The following CAMTA1 variants were observed in gnomAD, a reference collection of about 807,000 sequenced individuals.
CAMTA1 encodes the protein calmodulin-binding transcription activator 1.
CAMTA1 carries 27 observed loss-of-function variants against 170.9 expected under a neutral mutation model. The ratio of observed to expected loss-of-function variants is 0.16; its 90% CI spans 0.12 to 0.22. CAMTA1 has a LOEUF of 0.22. Among genes scored for constraint, CAMTA1 ranks in the 10% least tolerant of loss-of-function variants. The pLI, the probability that CAMTA1 is intolerant of heterozygous loss-of-function variation, is 1.00. For missense variants in CAMTA1, 1,619 were observed against 2,217.2 expected, an observed-to-expected ratio of 0.73 and a Z score of 5.42; for synonymous variants, 833 against 891.5, an observed-to-expected ratio of 0.93 and a Z score of 1.17.
intron 3 of CAMTA1, among the ~76,000 whole-genome samples, chr1:7,003,570 C>T (rs1022974208): frequency 1.3e-5 from 2 of 152,050 alleles, no homozygotes; most frequent in African/African-American, 4.8e-5. Context: ...ATGCCTAGAG[C>T]GAGGGAGCTC....
intron 3 of CAMTA1, among the ~76,000 whole-genome samples, chr1:7,055,257 C>T (rs943879646): frequency 6.6e-6 from 1 of 152,180 alleles, no homozygotes; most frequent in Non-Finnish European, 1.5e-5. Flanking sequence ...AATGTGTGAC[C>T]AGCACATAGT....
At chr1:7,310,066 C>T (rs1172437903) in intron 5 of CAMTA1, among the ~76,000 whole-genome samples, 2 of 152,160 alleles carry the variant, frequency 1.3e-5, no homozygotes, top group African/African-American at 4.8e-5. Context: ...ATCTGAAGAA[C>T]TTCTTTTAGA....
At chr1:7,757,810 A>G (rs1244233019) in intron 22 of CAMTA1, among the ~76,000 whole-genome samples, 1 of 152,214 alleles carries the variant, frequency 6.6e-6, no homozygotes, top group Non-Finnish European at 1.5e-5. Context: ...TTAAAACTAT[A>G]AATAATTGCT....
Position 7,748,514 on chromosome 1 carries a change from C to G in CAMTA1, c.4689+733C>G, listed in dbSNP as rs2096873618. ...CTGAGATACTGGTCTGATCCTAACA[C>G]CAGTATCTTTGCAGTGAGGATCCGT... On this transcript the variant is annotated intron_variant, in intron 19 of 22. Coordinates refer to ENST00000303635, the MANE Select transcript of CAMTA1 (RefSeq NM_015215.4). The surrounding 1 kb of genome is among the most constrained non-coding windows in gnomAD (Gnocchi z 4.7). Among the ~76,000 whole-genome samples the G allele has an allele frequency of 6.6e-6, 1 of 152,198 alleles. No individual in the cohort carries two copies. The highest frequency in any genetic ancestry group is 2.4e-5 in the African/African-American group (1 of 41,448).
intron 3 of CAMTA1, among the ~76,000 whole-genome samples, chr1:6,998,405 G>T (rs1327935011): frequency 1.3e-5 from 2 of 152,190 alleles, no homozygotes; most frequent in Non-Finnish European, 2.9e-5. Context: ...TCCAGAGGGA[G>T]CCCTGGAGCT....
chr1:6,885,334 C>A (rs779246145), intron 3 of CAMTA1, among the ~76,000 whole-genome samples: 2 of 152,188 alleles, frequency 1.3e-5, no homozygotes, highest in Non-Finnish European at 1.5e-5. Context: ...ATTCTAGTTT[C>A]TTTGAAAGTG....
chr1:7,016,198 C>A (rs886146462), intron 3 of CAMTA1, among the ~76,000 whole-genome samples: 19 of 152,162 alleles, frequency 1.2e-4, no homozygotes, highest in Non-Finnish European at 2.5e-4. Flanking sequence ...GCTTCTTTCC[C>A]TCAGCCTGAC....
rs559672473 is a variant in CAMTA1 at position 7,067,875 on chromosome 1, T to TG, written c.235-23428dup. On this transcript the variant is annotated intron_variant, in intron 3 of 22. Coordinates refer to ENST00000303635, the MANE Select transcript of CAMTA1 (RefSeq NM_015215.4). The surrounding 1 kb of genome is among the most constrained non-coding windows in gnomAD (Gnocchi z 4.3). ...TAGGGGCGGCCTGTAACTCAGTTAT[T>TG]GCCAGTGAGATGGCTAGGCACTTCT... Among the ~76,000 whole-genome samples the TG allele has an allele frequency of 1.4e-3, 210 of 152,362 alleles. 4 individuals are homozygous for TG. The South Asian group carries it at 0.043, about 31-fold the overall frequency.
intron 4 of CAMTA1, among the ~76,000 whole-genome samples, chr1:7,121,510 G>C (rs115001554): frequency 1.3e-5 from 2 of 152,190 alleles, no homozygotes; most frequent in East Asian, 3.9e-4. Flanking sequence ...GAACTCTTGC[G>C]GTCATGGGTG....
chr1:6,968,057 C>T (rs1295276401), intron 3 of CAMTA1, among the ~76,000 whole-genome samples: 5 of 152,210 alleles, frequency 3.3e-5, no homozygotes, highest in Non-Finnish European at 7.3e-5. Context: ...ACTGAGCTGG[C>T]AGCGTTCAGC....
chr1:7,625,059 G>GT (rs2095624036), intron 6 of CAMTA1, among the ~76,000 whole-genome samples: 1 of 152,196 alleles, frequency 6.6e-6, no homozygotes, highest in African/African-American at 2.4e-5. Flanking sequence ...TGCATGGGAG[G>GT]TGGATCCAGC....
intron 5 of CAMTA1, among the ~76,000 whole-genome samples, chr1:7,304,424 T>C (rs925843770): frequency 3.3e-5 from 5 of 152,254 alleles, no homozygotes; most frequent in African/African-American, 9.6e-5. Flanking sequence ...TATGTGACTA[T>C]GTAAAATAAA....
rs1048144692 is a variant in CAMTA1 at position 7,161,757 on chromosome 1, G to A, written c.302+70386G>A. On this transcript the variant is annotated intron_variant, in intron 4 of 22. Transcript: ENST00000303635. Reference sequence around the variant, plus strand: ...TGTCTTTATCAATAGCACAAAAACGGACTAATATAAGGGCCCATTCCATCC... The same window carrying A: ...TGTCTTTATCAATAGCACAAAAACGAACTAATATAAGGGCCCATTCCATCC... 6.4e-4 allele frequency among the ~76,000 whole-genome samples: 98 copies of A among 152,110 alleles called. 1 individual carries two copies. The highest frequency in any genetic ancestry group is 2.3e-3 in the African/African-American group (95 of 41,424).
At chr1:7,618,370 G>A (rs2095574226) in intron 6 of CAMTA1, among the ~76,000 whole-genome samples, 1 of 152,200 alleles carries the variant, frequency 6.6e-6, no homozygotes, top group Non-Finnish European at 1.5e-5. Flanking sequence ...CTAGGATCGG[G>A]AGGCCCTCTT....
chr1:7,314,931 A>G (rs1320489014), intron 5 of CAMTA1, among the ~76,000 whole-genome samples: 1 of 152,194 alleles, frequency 6.6e-6, no homozygotes, highest in African/African-American at 2.4e-5. Flanking sequence ...AAAAGTTTTA[A>G]TCATCCTGGG....
At chr1:7,284,155 T>C (rs1478173698) in intron 5 of CAMTA1, among the ~76,000 whole-genome samples, 11 of 114,198 alleles carry the variant, frequency 9.6e-5, no homozygotes, top group African/African-American at 3.9e-4. Flanking sequence ...TTCTTCTTCT[T>C]CTTCTTCTTC....
intron 3 of CAMTA1, among the ~76,000 whole-genome samples, chr1:6,995,969 A>G (rs74862973): frequency 6.6e-6 from 1 of 152,230 alleles, no homozygotes; most frequent in African/African-American, 2.4e-5. Context: ...GCAGGGGAAC[A>G]GTGGTATGAG....
At chr1:7,481,096 T>G (rs1379931109) in intron 6 of CAMTA1, among the ~76,000 whole-genome samples, 1 of 152,020 alleles carries the variant, frequency 6.6e-6, no homozygotes. Context: ...CTTCTCTCCC[T>G]CTCTTCTGCT....
At chr1:7,672,033 G>A (rs1319107059) in intron 10 of CAMTA1, 3 of 456,176 alleles carry the variant, frequency 6.6e-6, no homozygotes, top group Admixed American at 4.7e-5. Context: ...GACTCCCTTG[G>A]CTGCCCCATC....
Sources: allele counts gnomAD v4.1 joint callset (sites outside exome capture counted in the v4.1 genomes callset), GRCh38; gene constraint gnomAD v4.1.1; non-coding constraint Gnocchi (gnomAD v3.1); transcripts MANE v1.5; gene names NCBI Gene and HGNC (gene_info 2026-07-23, HGNC 2026-07-21).